The following PPM1B variants were observed in gnomAD, a reference collection of about 807,000 sequenced individuals.
The protein encoded by PPM1B is protein phosphatase 1B.
In PPM1B, 22 loss-of-function variants were observed where a neutral mutation model predicts 43.0. The observed-to-expected ratio is 0.51, with a 90% CI of 0.37 to 0.73. The LOEUF (loss-of-function observed/expected upper bound fraction) is 0.73, where lower values mean the gene tolerates loss of function less well. PPM1B is among the 30% of genes least tolerant of loss of function. The pLI is 0.00. For synonymous variants in PPM1B, 217 were observed against 197.9 expected, an observed-to-expected ratio of 1.10 and a Z score of -0.81; for missense variants, 632 against 584.2, an observed-to-expected ratio of 1.08 and a Z score of -0.84.
At chr2:44,223,913 C>A (rs771303366) in intron 5 of PPM1B, among the ~76,000 whole-genome samples, 2 of 148,988 alleles carry the variant, frequency 1.3e-5, no homozygotes, top group Non-Finnish European at 3.0e-5. Context: ...ATAACACTTA[C>A]CTTTGCTATG....
At chr2:44,187,788 C>T (rs1172952838) in intron 1 of PPM1B, among the ~76,000 whole-genome samples, 5 of 151,912 alleles carry the variant, frequency 3.3e-5, no homozygotes, top group East Asian at 1.9e-4. Context: ...CTTGCTCTGT[C>T]GCCCAGGCTG....
intron 1 of PPM1B, among the ~76,000 whole-genome samples, chr2:44,172,308 T>A (rs1667384640): frequency 6.6e-6 from 1 of 152,238 alleles, no homozygotes; most frequent in Non-Finnish European, 1.5e-5. Flanking sequence ...TATCGTATAT[T>A]AGCAGAATTG....
intron 2 of PPM1B, among the ~76,000 whole-genome samples, chr2:44,203,857 C>G (rs1310494695): frequency 6.6e-6 from 1 of 152,154 alleles, no homozygotes. Context: ...ACTCACTTAT[C>G]CATTGAAAGG....
intron 3 of PPM1B, among the ~76,000 whole-genome samples, chr2:44,214,957 A>G (rs1452759254): frequency 6.6e-6 from 1 of 152,228 alleles, no homozygotes; most frequent in East Asian, 1.9e-4. Flanking sequence ...TAACTTCTGT[A>G]ATAGCCACAT....
chr2:44,209,182 T>G (rs1337015877), intron 2 of PPM1B, 28 bp from the exon 3 acceptor site: 3 of 1,514,506 alleles, frequency 2.0e-6, no homozygotes, highest in Non-Finnish European at 2.7e-6. Context: ...AAATACAATT[T>G]TTTTTCTTTT....
intron 1 of PPM1B, among the ~76,000 whole-genome samples, chr2:44,194,716 C>G (rs965015276): frequency 1.9e-4 from 29 of 150,416 alleles, no homozygotes; most frequent in Non-Finnish European, 2.7e-4. Flanking sequence ...GAGGAAGACT[C>G]CATCTCAAAA....
At chr2:44,222,993 G>C (rs1225124611) in intron 5 of PPM1B, among the ~76,000 whole-genome samples, 1 of 151,978 alleles carries the variant, frequency 6.6e-6, no homozygotes, top group East Asian at 1.9e-4. Flanking sequence ...ACCACACTCG[G>C]CTAATTTTTT....
Position 44,229,355 on chromosome 2 carries a change from TAG to T in PPM1B, c.1135-1055_1135-1054del, listed in dbSNP as rs1670368208. ...AAGTTTAAATTTCCCTAGTTGTCAC[TAG>T]AGTGACTATTGTAATTGTTATTTTG... is the stretch of plus-strand genomic sequence containing the variant. On this transcript the variant is annotated intron_variant, in intron 5 of 5. Transcript: ENST00000282412. Among the ~76,000 whole-genome samples, 7 of 152,294 alleles carry T rather than the reference TAG, an allele frequency of 4.6e-5. No homozygotes were observed. In the South Asian group the frequency reaches 1.5e-3, roughly 32 times the overall value.
chr2:44,169,130 G>A lies in PPM1B; in HGVS notation c.-159G>A. The stretch of plus-strand genomic sequence containing the variant: ...GCGGCGGCGTGAGGGGCCGGGCGGT[G>A]TAAACAGCCCCGGAGGCGGCGGTCG... On this transcript the variant is annotated 5_prime_UTR_variant, in exon 1 of 6. Transcript: ENST00000282412. 1 of 128,042 alleles carries A rather than the reference G, an allele frequency of 7.8e-6. No homozygotes were observed. Among genetic ancestry groups the A allele is most frequent in the Non-Finnish European group, 1.5e-5 (1 of 65,060 alleles). The allele number at this position is 128,042 out of a possible 1,614,324, so 7.9% of individuals were successfully genotyped here. A position where few individuals can be genotyped will look rare whatever the true frequency, so the allele number is the denominator to read the frequency against.
At chr2:44,189,713 C>T (rs963923798) in intron 1 of PPM1B, among the ~76,000 whole-genome samples, 1 of 152,162 alleles carries the variant, frequency 6.6e-6, no homozygotes, top group South Asian at 2.1e-4. Context: ...TATCCACCTG[C>T]CTTGGCCTCC....
intron 1 of PPM1B, among the ~76,000 whole-genome samples, chr2:44,173,102 A>G (rs568106631): frequency 6.6e-6 from 1 of 152,358 alleles, no homozygotes; most frequent in East Asian, 1.9e-4. Flanking sequence ...ATCACTTGAG[A>G]ACAGCCTGGC....
chr2:44,181,590 A>G (rs566904952), intron 1 of PPM1B, among the ~76,000 whole-genome samples: 1 of 152,328 alleles, frequency 6.6e-6, no homozygotes, highest in Admixed American at 6.5e-5. Context: ...CTGAAAAACA[A>G]GATTGATGGA....
At chr2:44,233,473 C>T, downstream of PPM1B, 1 of 984,282 alleles carries the variant, frequency 1.0e-6, no homozygotes, top group Non-Finnish European at 1.2e-6. Context: ...TAATGCTGAA[C>T]ATGAAGAGTA....
In PPM1B at chr2:44,170,871, T is replaced by C. The variant is rs142405314; in HGVS notation, c.-15+1597T>C. Among the ~76,000 whole-genome samples, 263 of 152,356 alleles carry C rather than the reference T, an allele frequency of 1.7e-3. 2 individuals carry two copies. Among genetic ancestry groups the C allele is most frequent in the African/African-American group, 6.0e-3 (250 of 41,584 alleles). The stretch of plus-strand genomic sequence containing the variant: ...AATCGAAATTTTAAAATTAAGTATT[T>C]AGAACAGAATATTTTAGTCCACACA... On this transcript the variant is annotated intron_variant, in intron 1 of 5. Transcript: ENST00000282412.
At chr2:44,232,990 C>T (rs1017477148), downstream of PPM1B, 8 of 980,344 alleles carry the variant, frequency 8.2e-6, no homozygotes, top group Non-Finnish European at 9.7e-6. Context: ...AAATTTTATG[C>T]ATGTATCTAC....
intron 1 of PPM1B, among the ~76,000 whole-genome samples, chr2:44,198,765 G>T (rs1056567861): frequency 6.6e-6 from 1 of 152,194 alleles, no homozygotes; most frequent in Non-Finnish European, 1.5e-5. Flanking sequence ...CCTATGTGCA[G>T]TCTGCCCCAT....
intron 1 of PPM1B, among the ~76,000 whole-genome samples, chr2:44,189,341 C>G (rs938864221): frequency 6.6e-6 from 1 of 152,204 alleles, no homozygotes; most frequent in Non-Finnish European, 1.5e-5. Context: ...TAGTTTCACC[C>G]TCATTCTTAC....
intron 2 of PPM1B, among the ~76,000 whole-genome samples, chr2:44,203,714 A>G (rs746318094): frequency 2.0e-4 from 31 of 152,260 alleles, no homozygotes; most frequent in African/African-American, 3.6e-4. Flanking sequence ...CTCCATGCCT[A>G]TAAGTATTGA....
In PPM1B at chr2:44,201,126, A is replaced by G. The variant is rs894317595; in HGVS notation, c.-14-60A>G. ...TAGGAGTTACTAGACTATAGAGGGA[A>G]TATTGTACATACATTTTCTGTCAAA... On this transcript the variant is annotated intron_variant, in intron 1 of 5. Coordinates refer to ENST00000282412, the MANE Select transcript of PPM1B (RefSeq NM_002706.6). This position sits in a 1 kb window ranked among gnomAD's most constrained non-coding sequence, Gnocchi z 5.4. 2.1e-5 allele frequency: 30 copies of G among 1,453,746 alleles called. No homozygotes were observed. The highest frequency in any genetic ancestry group is 9.2e-5 in the East Asian group (4 of 43,668). 90.1% of individuals were successfully genotyped at this position (1,453,746 alleles called of 1,614,324 possible). A position where few individuals can be genotyped will look rare whatever the true frequency, so the allele number is the denominator to read the frequency against.
Sources: gnomAD v4.1 joint callset for allele counts (sites outside exome capture counted in the v4.1 genomes callset) on GRCh38, gnomAD v4.1.1 for gene constraint, Gnocchi (gnomAD v3.1) non-coding constraint, MANE v1.5 for transcripts, NCBI Gene and HGNC (gene_info 2026-07-23, HGNC 2026-07-21) for gene names.